The following DENND1A variants were observed in gnomAD, a reference collection of about 807,000 sequenced individuals.
The protein encoded by DENND1A is DENN domain containing 1A.
DENND1A carries 51 observed loss-of-function variants against 113.7 expected under a neutral mutation model. The observed-to-expected ratio is 0.45, with a 90% CI of 0.36 to 0.57. The LOEUF (loss-of-function observed/expected upper bound fraction) is 0.57. Ranked by LOEUF, DENND1A falls within the 20% of genes least tolerant of loss-of-function variation. The pLI is 0.00. For missense variants in DENND1A, 1,258 were observed against 1,395.9 expected (o/e 0.90, Z 1.57); for synonymous variants, 565 against 570.8 (o/e 0.99, Z 0.14).
chr9:123,867,035 G>C (rs2133366724), intron 2 of DENND1A, among the ~76,000 whole-genome samples: 1 of 152,248 alleles, frequency 6.6e-6, no homozygotes, highest in South Asian at 2.1e-4. Context: ...ACATATTAAA[G>C]GTAAGAAAAC....
At chr9:123,416,255 C>A (rs2044717357) in intron 19 of DENND1A, among the ~76,000 whole-genome samples, 1 of 152,196 alleles carries the variant, frequency 6.6e-6, no homozygotes, top group African/African-American at 2.4e-5. Flanking sequence ...TCCTCTTTCA[C>A]GCTGGTGCTC....
chr9:123,851,495 G>A (rs1843355479), intron 2 of DENND1A, among the ~76,000 whole-genome samples: 1 of 152,124 alleles, frequency 6.6e-6, no homozygotes, highest in African/African-American at 2.4e-5. Flanking sequence ...GGTACTCTTA[G>A]GATAAGAAAA....
chr9:123,844,350 T>C (rs1409563802), intron 2 of DENND1A, among the ~76,000 whole-genome samples: 2 of 152,168 alleles, frequency 1.3e-5, no homozygotes, highest in African/African-American at 2.4e-5. Flanking sequence ...CTATTAGAAC[T>C]AATAAACTAG....
chr9:123,421,223 T>C (rs919110789), intron 19 of DENND1A, among the ~76,000 whole-genome samples: 2 of 147,156 alleles, frequency 1.4e-5, no homozygotes, highest in Non-Finnish European at 3.0e-5. Context: ...GGCCCCGTGC[T>C]AGGAGATCTA....
At chr9:123,699,422 A>G (rs2065735758) in intron 5 of DENND1A, among the ~76,000 whole-genome samples, 1 of 152,192 alleles carries the variant, frequency 6.6e-6, no homozygotes, top group East Asian at 1.9e-4. Context: ...AACATCTAAC[A>G]GAAAACACCA....
At chr9:123,409,552 G>T (rs2044142403) in intron 20 of DENND1A, among the ~76,000 whole-genome samples, 1 of 151,398 alleles carries the variant, frequency 6.6e-6, no homozygotes, top group South Asian at 2.1e-4. Flanking sequence ...TGGAATACTG[G>T]CAAGACCACA....
At chr9:123,662,553 AC>A (rs930666053) in intron 8 of DENND1A, among the ~76,000 whole-genome samples, 1 of 152,182 alleles carries the variant, frequency 6.6e-6, no homozygotes, top group African/African-American at 2.4e-5. Flanking sequence ...ACAGAGCGAG[AC>A]TGTCTCAAAA....
intron 3 of DENND1A, 56 bp downstream of exon 3, chr9:123,792,531 T>C: frequency 6.4e-7 from 1 of 1,569,716 alleles, no homozygotes; most frequent in Non-Finnish European, 8.7e-7. Context: ...TAATAATATG[T>C]TGAACAACTC....
intron 21 of DENND1A, among the ~76,000 whole-genome samples, chr9:123,394,200 G>A (rs2043001574): frequency 6.6e-6 from 1 of 152,080 alleles, no homozygotes; most frequent in South Asian, 2.1e-4. Flanking sequence ...GTTTCACCAT[G>A]TTGCCTAGGC....
At chr9:123,903,460 C>T (rs984367343) in intron 1 of DENND1A, among the ~76,000 whole-genome samples, 48 of 151,674 alleles carry the variant, frequency 3.2e-4, no homozygotes, top group African/African-American at 1.1e-3. Flanking sequence ...ATCTGAGGTA[C>T]CGGGTTGATC....
At chr9:123,813,302 G>A (rs138604184) in intron 2 of DENND1A, among the ~76,000 whole-genome samples, 12 of 152,114 alleles carry the variant, frequency 7.9e-5, no homozygotes, top group East Asian at 1.9e-4. Context: ...AAATCCTTTC[G>A]TAAGACTTCT....
chr9:123,829,640 G>A (rs1418640704), intron 2 of DENND1A, among the ~76,000 whole-genome samples: 1 of 151,788 alleles, frequency 6.6e-6, no homozygotes, highest in African/African-American at 2.4e-5. Context: ...AAAAAACAAG[G>A]AAACAGGTAC....
rs79254751 is a variant in DENND1A at position 123,785,949 on chromosome 9, A to T, written c.132+6638T>A. 1.8e-3 allele frequency among the ~76,000 whole-genome samples: 281 copies of T among 152,316 alleles called. 8 individuals carry two copies. In the East Asian group the frequency reaches 0.047, roughly 25 times the overall value. ...CACATCTGGCCAGGCACTGCGGCTTACACCTGAAATCTTAGCACTTCAGGA... is the reference window on the plus strand; with the variant it reads ...CACATCTGGCCAGGCACTGCGGCTTTCACCTGAAATCTTAGCACTTCAGGA... On this transcript the variant is annotated intron_variant, in intron 3 of 23. Transcript: ENST00000394215.
intron 5 of DENND1A, among the ~76,000 whole-genome samples, chr9:123,755,386 T>C (rs1351738379): frequency 6.6e-6 from 1 of 151,900 alleles, no homozygotes; most frequent in African/African-American, 2.4e-5. Context: ...TCAGGTGATC[T>C]GCCCACCTCA....
At chr9:123,428,262 A>G (rs146785922) in intron 19 of DENND1A, among the ~76,000 whole-genome samples, 2 of 152,214 alleles carry the variant, frequency 1.3e-5, no homozygotes, top group Non-Finnish European at 2.9e-5. Context: ...CAAATCAATA[A>G]ATGTAATTCA....
intron 9 of DENND1A, among the ~76,000 whole-genome samples, 153 bp downstream of exon 9, chr9:123,651,857 TAAA>T (rs11315081): frequency 0.017 from 2,524 of 149,686 alleles, 57 homozygotes; most frequent in African/African-American, 0.057. Context: ...ATTGGCACTG[TAAA>T]AAAAAAAAAA....
chr9:123,664,787 A>C (rs1015983155), intron 8 of DENND1A, among the ~76,000 whole-genome samples: 2 of 152,222 alleles, frequency 1.3e-5, no homozygotes, highest in Non-Finnish European at 2.9e-5. Context: ...GTGACCTGTA[A>C]GAGTTTAGTA....
chr9:123,682,005 C>A (rs1274226048), intron 5 of DENND1A, among the ~76,000 whole-genome samples: 2 of 151,906 alleles, frequency 1.3e-5, no homozygotes, highest in Non-Finnish European at 2.9e-5. Context: ...CTTCCACTGA[C>A]AAAATCTGCA....
chr9:123,782,872 C>A (rs551763461), intron 3 of DENND1A, among the ~76,000 whole-genome samples: 5 of 151,576 alleles, frequency 3.3e-5, no homozygotes, highest in Non-Finnish European at 7.4e-5. Context: ...CCAGCTCCCC[C>A]CGCTCACATA....
Sources: allele counts gnomAD v4.1 joint callset (sites outside exome capture counted in the v4.1 genomes callset), GRCh38; gene constraint gnomAD v4.1.1; transcripts MANE v1.5; gene names NCBI Gene and HGNC (gene_info 2026-07-23, HGNC 2026-07-21).